The following PCDH11X variants were observed in gnomAD, a reference collection of about 807,000 sequenced individuals.
The protein encoded by PCDH11X is protocadherin-11 X-linked.
Under a neutral mutation model 53.3 loss-of-function variants are expected in PCDH11X, and 18 were observed. The ratio of observed to expected loss-of-function variants is 0.34; its 90% CI spans 0.23 to 0.50. The LOEUF (loss-of-function observed/expected upper bound fraction) is 0.50, where lower values mean the gene tolerates loss of function less well. Ranked by LOEUF, PCDH11X falls within the 20% of genes least tolerant of loss-of-function variation. The pLI is 0.98. For missense variants in PCDH11X, 570 were observed against 1,032.4 expected, an observed-to-expected ratio of 0.55 and a Z score of 6.14; for synonymous variants, 279 against 393.3, an observed-to-expected ratio of 0.71 and a Z score of 3.44.
chrX:91,962,859 C>A (rs1394612832), intron 6 of PCDH11X, among the ~76,000 whole-genome samples: 2 of 111,654 alleles, frequency 1.8e-5, no homozygotes, highest in Non-Finnish European at 3.8e-5. Context: ...GCTGCCAACC[C>A]TTGGGGCTTG....
At chrX:92,192,960 A>T (rs1366306926) in intron 6 of PCDH11X, among the ~76,000 whole-genome samples, 1 of 111,429 alleles carries the variant, frequency 9.0e-6, no homozygotes, top group Non-Finnish European at 1.9e-5. Context: ...GCTGGTCTCG[A>T]ACCCCTGATC....
chrX:91,816,639 A>G (rs6652611), intron 4 of PCDH11X, among the ~76,000 whole-genome samples: 13,643 of 110,826 alleles, frequency 0.12, 2,059 homozygotes, highest in African/African-American at 0.42. Flanking sequence ...TAGAAATATG[A>G]GGAAATTTGT....
At chrX:92,405,987 C>T (rs1350556249) in intron 9 of PCDH11X, among the ~76,000 whole-genome samples, 1 of 102,920 alleles carries the variant, frequency 9.7e-6, no homozygotes, top group African/African-American at 3.6e-5. Context: ...CCCAGCTACG[C>T]GGGAGGCTGA....
chrX:92,331,322 T>C (rs763318406), intron 8 of PCDH11X, among the ~76,000 whole-genome samples: 1 of 90,758 alleles, frequency 1.1e-5, no homozygotes, highest in South Asian at 6.3e-4. Context: ...CTTCTTCCTC[T>C]TCTTCTTCTT....
intron 6 of PCDH11X, among the ~76,000 whole-genome samples, chrX:91,989,364 C>T (rs1174347727): frequency 1.8e-5 from 2 of 111,031 alleles, no homozygotes; most frequent in Admixed American, 1.9e-4. Flanking sequence ...AGATCAAGAC[C>T]ATCCTGGCTA....
At chrX:91,817,984 G>A (rs976134807) in intron 4 of PCDH11X, among the ~76,000 whole-genome samples, 31 of 111,604 alleles carry the variant, frequency 2.8e-4, no homozygotes, top group African/African-American at 8.5e-4. Flanking sequence ...TGTGTTTGTT[G>A]TAGCTTCTTC....
intron 8 of PCDH11X, among the ~76,000 whole-genome samples, chrX:92,291,794 A>G (rs1277616013): frequency 1.8e-5 from 2 of 109,886 alleles, no homozygotes; most frequent in African/African-American, 3.3e-5. Context: ...CACATGATTT[A>G]TAGCCACTGA....
chrX:92,138,008 C>CT (rs1178043695), intron 6 of PCDH11X, among the ~76,000 whole-genome samples: 1 of 99,124 alleles, frequency 1.0e-5, no homozygotes, highest in East Asian at 3.2e-4. Context: ...TCCGTCCCCC[C>CT]TCCTCTCCAC....
intron 9 of PCDH11X, among the ~76,000 whole-genome samples, chrX:92,416,660 C>T (rs1603305640): frequency 9.0e-6 from 1 of 110,564 alleles, no homozygotes. Context: ...ACTTTTACCC[C>T]ATTACCCTAA....
rs562657306 is a variant in PCDH11X at position 91,825,374 on chromosome X, G to A, written c.-44-10087G>A. On this transcript the variant is annotated intron_variant, in intron 4 of 10. Transcript: ENST00000682573. ...CGAGCCAGGTGCAGGATATAATCTC[G>A]TGGTGCGCCGTTTTTTAAGCCCGTC... Among the ~76,000 whole-genome samples, 140 of 111,755 alleles carry A rather than the reference G, an allele frequency of 1.3e-3. 1 individual carries two copies. In the South Asian group the frequency reaches 0.039, roughly 31 times the overall value.
chrX:92,462,654 C>T (rs1455695519), intron 9 of PCDH11X, among the ~76,000 whole-genome samples: 1 of 109,430 alleles, frequency 9.1e-6, no homozygotes. Context: ...TGTATATTAT[C>T]ATAACTGCTT....
At chrX:92,188,759 A>G (rs1051791464) in intron 6 of PCDH11X, among the ~76,000 whole-genome samples, 5 of 111,908 alleles carry the variant, frequency 4.5e-5, no homozygotes, top group African/African-American at 1.6e-4. Flanking sequence ...ACTTACAAAG[A>G]CATCAACATT....
At chrX:92,306,837 C>A (rs1298314479) in intron 8 of PCDH11X, among the ~76,000 whole-genome samples, 5 of 111,136 alleles carry the variant, frequency 4.5e-5, no homozygotes, top group Admixed American at 3.8e-4. Context: ...GTAATCCCAG[C>A]TACTCTGGAG....
chrX:91,886,619 C>T (rs1375165573), intron 6 of PCDH11X, among the ~76,000 whole-genome samples: 1 of 108,284 alleles, frequency 9.2e-6, no homozygotes, highest in Non-Finnish European at 1.9e-5. Flanking sequence ...ATTAATTCAT[C>T]TTTCATGTAT....
intron 4 of PCDH11X, among the ~76,000 whole-genome samples, chrX:91,826,457 C>T (rs1602307965): frequency 1.0e-5 from 1 of 98,999 alleles, no homozygotes; most frequent in African/African-American, 3.8e-5. Context: ...AAAATATTTA[C>T]TTTATTTCTT....
At chrX:91,970,109 C>T (rs1201687280) in intron 6 of PCDH11X, among the ~76,000 whole-genome samples, 1 of 111,193 alleles carries the variant, frequency 9.0e-6, no homozygotes, top group Non-Finnish European at 1.9e-5. Flanking sequence ...CTGGTGGGTT[C>T]ACAATCTCGC....
intron 6 of PCDH11X, among the ~76,000 whole-genome samples, chrX:92,151,342 G>A (rs1227509239): frequency 3.7e-5 from 4 of 109,360 alleles, no homozygotes; most frequent in African/African-American, 6.6e-5. Flanking sequence ...ACAGGGGCCC[G>A]CCACCGTGCC....
chrX:92,494,224 A>G (rs1603346706), intron 10 of PCDH11X, among the ~76,000 whole-genome samples: 1 of 109,032 alleles, frequency 9.2e-6, no homozygotes. Context: ...GTAAAGAGGT[A>G]TAAGTTGTTT....
At chrX:91,884,183 T>C (rs1602425476) in intron 6 of PCDH11X, among the ~76,000 whole-genome samples, 1 of 62,015 alleles carries the variant, frequency 1.6e-5, no homozygotes. Context: ...AAAGCAAGAC[T>C]CCGTCTCAAA....
Sources: allele counts gnomAD v4.1 joint callset (sites outside exome capture counted in the v4.1 genomes callset), GRCh38; gene constraint gnomAD v4.1.1; transcripts MANE v1.5; gene names NCBI Gene and HGNC (gene_info 2026-07-23, HGNC 2026-07-21).